CACNA2D1: variants seen among roughly 807,000 people sequenced by gnomAD.
CACNA2D1 encodes the protein voltage-dependent calcium channel subunit alpha-2/delta-1.
A neutral mutation model predicts 171.5 loss-of-function variants in CACNA2D1; 53 were observed. The ratio of observed to expected loss-of-function variants is 0.31; its 90% confidence interval spans 0.25 to 0.39. The LOEUF (loss-of-function observed/expected upper bound fraction) is 0.39. Ranked by LOEUF, CACNA2D1 falls within the 10% of genes least tolerant of loss-of-function variation. The pLI is 1.00. For synonymous variants in CACNA2D1, 442 were observed against 443.1 expected (o/e 1.00, Z 0.03); for missense variants, 903 against 1,299.8 (o/e 0.69, Z 4.69).
chr7:81,964,579 A>C lies in CACNA2D1; in HGVS notation c.2575-220T>G, dbSNP rs905665261. 2.6e-5 allele frequency among the ~76,000 whole-genome samples: 4 copies of C among 151,976 alleles called. No individual in the cohort carries two copies. In the East Asian group the frequency reaches 7.7e-4, roughly 29 times the overall value. On this transcript the variant is annotated intron_variant, in intron 32 of 38. Coordinates refer to ENST00000356860, the MANE Select transcript of CACNA2D1 (RefSeq NM_000722.4). ...ACTCAGTGGGGCTGTGTGATATTTT[A>C]TTTGTGGAAAGAATGGACACACATT...
chr7:82,322,121 G>A (rs1459316379), intron 3 of CACNA2D1, among the ~76,000 whole-genome samples: 1 of 54,188 alleles, frequency 1.8e-5, no homozygotes, highest in Non-Finnish European at 3.0e-5. Flanking sequence ...GCGAGACTCC[G>A]TCTCAAAAAA....
chr7:82,131,806 A>G (rs258701), intron 5 of CACNA2D1, among the ~76,000 whole-genome samples: 13,945 of 152,266 alleles, frequency 0.092, 757 homozygotes, highest in Middle Eastern at 0.23. Context: ...GATAGTAGCC[A>G]AATTCAAACA....
Position 81,969,867 on chromosome 7 carries a change from A to G in CACNA2D1, c.2308+14T>C. On this transcript the variant is annotated intron_variant, in intron 28 of 38. Coordinates refer to ENST00000356860, the MANE Select transcript of CACNA2D1 (RefSeq NM_000722.4). ...AAAAAATTGAGAAAAGCTGAATTCC[A>G]AAGCAATACTTACTGTTAAAGTAGG... The G allele has an allele frequency of 1.4e-6, 2 of 1,432,504 alleles. No homozygotes were observed. The highest frequency in any genetic ancestry group is 2.0e-6 in the Non-Finnish European group (2 of 1,015,890). 88.7% of individuals were successfully genotyped at this position (1,432,504 alleles called of 1,614,324 possible).
In CACNA2D1 at chr7:82,408,662, G is replaced by C. The variant is rs181800411; in HGVS notation, c.95+34703C>G. ...ATCAAGTTGTATACTTTCTACTTTT[G>C]TTTAGTGTTTTCTTCCTTCTAACCT... On this transcript the variant is annotated intron_variant, in intron 1 of 38. Coordinates refer to ENST00000356860, the MANE Select transcript of CACNA2D1 (RefSeq NM_000722.4). Among the ~76,000 whole-genome samples, 179 of 152,144 alleles carry C rather than the reference G, an allele frequency of 1.2e-3. 1 individual carries two copies. In the Middle Eastern group the frequency reaches 0.017, roughly 14 times the overall value.
At chr7:82,040,765 G>A (rs1220577515) in intron 10 of CACNA2D1, among the ~76,000 whole-genome samples, 4 of 151,890 alleles carry the variant, frequency 2.6e-5, no homozygotes, top group African/African-American at 4.8e-5. Flanking sequence ...ACCTGAGGTC[G>A]GGAGTTTGAG....
chr7:82,042,223 C>T (rs965689089), intron 10 of CACNA2D1, among the ~76,000 whole-genome samples: 19 of 152,118 alleles, frequency 1.2e-4, no homozygotes, highest in Admixed American at 5.9e-4. Flanking sequence ...GACTATATTT[C>T]ACAGATATCT....
chr7:82,364,524 T>C (rs1821462557), intron 1 of CACNA2D1, among the ~76,000 whole-genome samples: 2 of 152,190 alleles, frequency 1.3e-5, no homozygotes, highest in South Asian at 4.1e-4. Context: ...TAAATGCCAC[T>C]AAAATGAGAA....
chr7:82,089,649 G>A (rs1810896459), intron 6 of CACNA2D1, among the ~76,000 whole-genome samples: 1 of 152,106 alleles, frequency 6.6e-6, no homozygotes, highest in Non-Finnish European at 1.5e-5. Flanking sequence ...GGATTCTCAA[G>A]AGAAGAAAGA....
At chr7:82,258,239 C>T (rs1197028535) in intron 3 of CACNA2D1, among the ~76,000 whole-genome samples, 1 of 151,994 alleles carries the variant, frequency 6.6e-6, no homozygotes, top group African/African-American at 2.4e-5. Context: ...GCCTTTTATT[C>T]CTTCCCATTT....
intron 3 of CACNA2D1, among the ~76,000 whole-genome samples, chr7:82,251,750 T>G (rs1209370002): frequency 6.6e-6 from 1 of 152,172 alleles, no homozygotes; most frequent in African/African-American, 2.4e-5. Flanking sequence ...TTAGATTCAT[T>G]AGAATAACTC....
chr7:81,950,234 G>A lies in CACNA2D1; in HGVS notation c.*158C>T. On this transcript the variant is annotated 3_prime_UTR_variant, in exon 39 of 39. Transcript: ENST00000356860. The stretch of plus-strand genomic sequence containing the variant: ...CTGACACCCTGACATGCAGCCAGTG[G>A]GTGCCTTAGGAGTCTGCGCCTTAGT... 2 of 1,280,498 alleles carry A rather than the reference G, an allele frequency of 1.6e-6. No individual in the cohort carries two copies. Among genetic ancestry groups the A allele is most frequent in the South Asian group, 1.3e-5 (1 of 74,878 alleles). 79.3% of individuals were successfully genotyped at this position (1,280,498 alleles called of 1,614,324 possible). A position where few individuals can be genotyped will look rare whatever the true frequency, so the allele number is the denominator to read the frequency against.
intron 3 of CACNA2D1, among the ~76,000 whole-genome samples, chr7:82,175,550 A>G (rs1241680044): frequency 1.3e-5 from 2 of 152,042 alleles, no homozygotes; most frequent in East Asian, 1.9e-4. Context: ...TAATCATTTG[A>G]ATTTTCTAAC....
intron 1 of CACNA2D1, among the ~76,000 whole-genome samples, chr7:82,411,548 G>A (rs1827662904): frequency 6.6e-6 from 1 of 152,012 alleles, no homozygotes; most frequent in Non-Finnish European, 1.5e-5. Context: ...AGATAAAGAA[G>A]TAATATTATT....
At chr7:82,336,155 T>A (rs1325362580) in intron 2 of CACNA2D1, among the ~76,000 whole-genome samples, 3 of 152,188 alleles carry the variant, frequency 2.0e-5, no homozygotes, top group Non-Finnish European at 4.4e-5. Flanking sequence ...AGGTTTTTAC[T>A]GTCTTATGAG....
At chr7:82,402,306 C>G (rs1826515089) in intron 1 of CACNA2D1, among the ~76,000 whole-genome samples, 1 of 152,216 alleles carries the variant, frequency 6.6e-6, no homozygotes, top group Admixed American at 6.5e-5. Context: ...CAGATACTTT[C>G]ACACATCATC....
At chr7:82,251,450 C>T (rs1283931308) in intron 3 of CACNA2D1, among the ~76,000 whole-genome samples, 2 of 152,102 alleles carry the variant, frequency 1.3e-5, no homozygotes, top group African/African-American at 4.8e-5. Flanking sequence ...TTGTGCATTT[C>T]ATTGTACATT....
Position 82,096,327 on chromosome 7 carries a change from T to C in CACNA2D1, c.527-11427A>G, listed in dbSNP as rs531083392. 2.5e-3 allele frequency among the ~76,000 whole-genome samples: 383 copies of C among 152,236 alleles called. 5 individuals carry two copies. The highest frequency in any genetic ancestry group is 3.4e-3 in the Non-Finnish European group (228 of 68,010). ...CAGTGGGCCATACTTTGCAGACTCC[T>C]ATACCCGAGCTCCAGGGCCTATCAA... On this transcript the variant is annotated intron_variant, in intron 6 of 38. Coordinates refer to ENST00000356860, the MANE Select transcript of CACNA2D1 (RefSeq NM_000722.4).
chr7:82,169,330 C>T (rs1453931456), intron 4 of CACNA2D1, among the ~76,000 whole-genome samples: 3 of 151,848 alleles, frequency 2.0e-5, no homozygotes, highest in East Asian at 3.9e-4. Context: ...AGGTTGTAGA[C>T]AAAGCCAATA....
chr7:82,370,827 T>A (rs760111561), intron 1 of CACNA2D1, among the ~76,000 whole-genome samples: 1 of 152,136 alleles, frequency 6.6e-6, no homozygotes, highest in Non-Finnish European at 1.5e-5. Flanking sequence ...CAGTTTATGG[T>A]ACATTAATTG....
Sources: allele counts gnomAD v4.1 joint callset (sites outside exome capture counted in the v4.1 genomes callset), GRCh38; gene constraint gnomAD v4.1.1; transcripts MANE v1.5; gene names NCBI Gene and HGNC (gene_info 2026-07-23, HGNC 2026-07-21).